The following LSS variants were observed in gnomAD, a reference collection of about 807,000 sequenced individuals.
LSS encodes the protein 2,3-epoxysqualene-lanosterol cyclase.
In LSS, 90 loss-of-function variants were observed where a neutral mutation model predicts 110.3. The ratio of observed to expected loss-of-function variants is 0.82; its 90% confidence interval spans 0.69 to 0.97. The LOEUF (loss-of-function observed/expected upper bound fraction) is 0.97. Ranked by LOEUF, LSS falls within the 50% of genes least tolerant of loss-of-function variation. LSS has a pLI of 0.00. For missense variants in LSS, 927 were observed against 990.0 expected (o/e 0.94, Z 0.85); for synonymous variants, 433 against 400.0 (o/e 1.08, Z -0.98).
At chr21:46,223,496 C>A (rs2080302000) in intron 3 of LSS, among the ~76,000 whole-genome samples, 1 of 152,232 alleles carries the variant, frequency 6.6e-6, no homozygotes, top group Non-Finnish European at 1.5e-5. Flanking sequence ...ACCATCCAGA[C>A]ATGCCCTGTG....
Position 46,209,449 on chromosome 21 carries a change from A to G in LSS, c.1266+105T>C. 9.7e-7 allele frequency: 1 copy of G among 1,028,762 alleles called. No individual in the cohort carries two copies. The allele number at this position is 1,028,762 out of a possible 1,614,324, so 63.7% of individuals were successfully genotyped here. On this transcript the variant is annotated intron_variant, in intron 13 of 21. Transcript: ENST00000397728. The surrounding 1 kb of genome is among the most constrained non-coding windows in gnomAD (Gnocchi z 4.4). ...TGGGGGTGACCTGAAACACCAGTGC[A>G]GGAAATAGGGCAGGGTGGAGGTGAG...
intron 4 of LSS, chr21:46,222,376 TGACA>T (rs1000468500): frequency 2.5e-5 from 14 of 558,010 alleles, no homozygotes; most frequent in African/African-American, 1.7e-4. Context: ...GATAACAGAC[TGACA>T]GTTTTCACAT....
chr21:46,223,382 C>T (rs1014522155), intron 3 of LSS, among the ~76,000 whole-genome samples: 2 of 152,100 alleles, frequency 1.3e-5, no homozygotes, highest in African/African-American at 2.4e-5. Context: ...GCCATGTGCC[C>T]CCAGAGCCTG....
In LSS at chr21:46,188,456, C is replaced by A. The variant is rs2079760212; in HGVS notation, c.*2648G>T. ...ATCTGAATTCAAAAATCTTTCATGA[C>A]TGATTTTTAATCACACTGAGGCAAA... On this transcript the variant is annotated 3_prime_UTR_variant, in exon 22 of 22. Coordinates refer to ENST00000397728, the MANE Select transcript of LSS (RefSeq NM_002340.6). 1.1e-5 allele frequency: 3 copies of A among 279,038 alleles called. No homozygotes were observed. Among genetic ancestry groups the A allele is most frequent in the South Asian group, 7.0e-5 (2 of 28,506 alleles). The allele number at this position is 279,038 out of a possible 1,614,324, so 17.3% of individuals were successfully genotyped here. A position where few individuals can be genotyped will look rare whatever the true frequency, so the allele number is the denominator to read the frequency against.
At chr21:46,205,202 C>T (rs2080029241) in intron 17 of LSS, among the ~76,000 whole-genome samples, 1 of 152,176 alleles carries the variant, frequency 6.6e-6, no homozygotes, top group Non-Finnish European at 1.5e-5. Context: ...GTGCTGAGAA[C>T]AGGCAGCTGG....
intron 3 of LSS, among the ~76,000 whole-genome samples, chr21:46,223,282 A>G (rs2080299496): frequency 6.6e-6 from 1 of 152,152 alleles, no homozygotes; most frequent in South Asian, 2.1e-4. Context: ...AATATTATCC[A>G]CTAAGAACCT....
rs779793696 is a variant in LSS, at chr21:46,228,605, G to A, written c.15-6C>T. On this transcript the variant is annotated splice_polypyrimidine_tract_variant and splice_region_variant and intron_variant, in intron 1 of 21. Transcript: ENST00000397728. ...CCCCTCGGCGCCGCAGACACCTGAG[G>A]ACCACCGGCCATCAGCGACCCAGGC... The A allele has an allele frequency of 4.4e-6, 7 of 1,592,174 alleles. No homozygotes were observed. Among genetic ancestry groups the A allele is most frequent in the African/African-American group, 1.3e-5 (1 of 74,612 alleles).
intron 11 of LSS, 145 bp from the exon 12 acceptor site, chr21:46,210,889 AC>A: frequency 1.4e-6 from 1 of 719,508 alleles, no homozygotes; most frequent in Non-Finnish European, 2.4e-6. Context: ...AGCCCTGGGC[AC>A]CCCTCATGGC....
chr21:46,194,222 TGCTCTTCCACTGACATG>T (rs1216961742), intron 20 of LSS, among the ~76,000 whole-genome samples: 1 of 152,204 alleles, frequency 6.6e-6, no homozygotes, highest in African/African-American at 2.4e-5. Flanking sequence ...CTGATGTGCT[TGCTCTTCCACTGACATG>T]GCTAATGGTG....
chr21:46,215,430 T>G, intron 8 of LSS, 132 bp from the exon 9 acceptor site: 1 of 463,590 alleles, frequency 2.2e-6, no homozygotes, highest in Non-Finnish European at 3.9e-6. Flanking sequence ...GCCTGGTCTC[T>G]GAGCTCCTCC....
chr21:46,222,957 G>C (rs1188275475), intron 3 of LSS, among the ~76,000 whole-genome samples: 1 of 152,220 alleles, frequency 6.6e-6, no homozygotes, highest in Admixed American at 6.5e-5. Flanking sequence ...CCTGCCTAGG[G>C]CCTGTAGAGC....
At chr21:46,198,316 T>G (rs2079935813) in intron 17 of LSS, among the ~76,000 whole-genome samples, 1 of 149,572 alleles carries the variant, frequency 6.7e-6, no homozygotes, top group African/African-American at 2.5e-5. Flanking sequence ...AATGAACAAT[T>G]AGATTTTGAC....
intron 17 of LSS, among the ~76,000 whole-genome samples, chr21:46,201,885 C>A (rs2123711052): frequency 6.6e-6 from 1 of 150,548 alleles, no homozygotes; most frequent in East Asian, 2.0e-4. Context: ...GCAAGCTCCA[C>A]CTCCCGGGTT....
intron 16 of LSS, 146 bp downstream of exon 16, chr21:46,206,526 G>A: frequency 1.4e-6 from 1 of 694,126 alleles, no homozygotes; most frequent in Non-Finnish European, 2.5e-6. Context: ...GAACAGCCTG[G>A]GCTGAGGGAG....
At chr21:46,203,469 A>T (rs2080006184) in intron 17 of LSS, among the ~76,000 whole-genome samples, 1 of 152,232 alleles carries the variant, frequency 6.6e-6, no homozygotes, top group South Asian at 2.1e-4. Flanking sequence ...ATTCTCCTTC[A>T]GGGGCGAGGA....
Position 46,208,263 on chromosome 21 carries a change from G to C in LSS, c.1305C>G (p.Arg435=). ...DNPPDYQKYY[R]QMRKGGFSFS... is the part of the protein sequence containing the mutation. ...GGCTCCCGCATACCTTGCGCATCTG[G>C]CGGTAGTACTTCTGGTAGTCGGGAG... is the stretch of plus-strand genomic sequence containing the variant. Residue 435 remains arginine, a synonymous_variant, in exon 14 of 22, where the codon CGC becomes CGG. Transcript: ENST00000397728. 6.4e-7 allele frequency: 1 copy of C among 1,552,516 alleles called. No homozygotes were observed. Among genetic ancestry groups the C allele is most frequent in the Non-Finnish European group, 8.7e-7 (1 of 1,147,474 alleles).
chr21:46,198,055 C>T (rs912598716), intron 17 of LSS, among the ~76,000 whole-genome samples: 4 of 152,012 alleles, frequency 2.6e-5, no homozygotes, highest in African/African-American at 7.2e-5. Context: ...TCAAAGCAGA[C>T]GGGAGTTTGA....
At chr21:46,228,692 C>G in intron 1 of LSS, 40 bp downstream of exon 1, 1 of 1,602,386 alleles carries the variant, frequency 6.2e-7, no homozygotes, top group South Asian at 1.1e-5. Context: ...CACCTAGGAC[C>G]ACCCCGCATT....
At chr21:46,202,649 C>T (rs908090737) in intron 17 of LSS, among the ~76,000 whole-genome samples, 4 of 152,014 alleles carry the variant, frequency 2.6e-5, no homozygotes, top group South Asian at 2.1e-4. Flanking sequence ...TTGGGGAGGC[C>T]GAGGTGGGAG....
Sources: allele counts gnomAD v4.1 joint callset (sites outside exome capture counted in the v4.1 genomes callset), GRCh38; gene constraint gnomAD v4.1.1; non-coding constraint Gnocchi (gnomAD v3.1); transcripts MANE v1.5; gene names NCBI Gene and HGNC (gene_info 2026-07-23, HGNC 2026-07-21).